The following JPH1 variants were observed in gnomAD, a reference collection of about 807,000 sequenced individuals.
JPH1 encodes junctophilin-1.
Under a neutral mutation model 53.6 loss-of-function variants are expected in JPH1, and 12 were observed. That is an observed-to-expected ratio of 0.22 (90% confidence interval 0.14 to 0.36). The LOEUF (loss-of-function observed/expected upper bound fraction) is 0.36, where lower values mean the gene tolerates loss of function less well. Ranked by LOEUF, JPH1 falls within the 10% of genes least tolerant of loss-of-function variation. The probability of loss-of-function intolerance (pLI) is 1.00; values close to 1 mark genes in which losing one functional copy is unlikely to be tolerated. For missense variants in JPH1, 808 were observed against 905.5 expected (o/e 0.89, Z 1.38); for synonymous variants, 375 against 363.8 (o/e 1.03, Z -0.35).
rs985090787 is a variant in JPH1 at position 74,237,277 on chromosome 8, A to G, written c.1932T>C (p.Leu644=). The G allele has an allele frequency of 3.1e-6, 5 of 1,613,322 alleles. No individual in the cohort carries two copies. The highest frequency in any genetic ancestry group is 4.2e-6 in the Non-Finnish European group (5 of 1,179,612). ...CCAACCCGATATTCAACAGCATGACAAGGACAATCATGATTGAATTAGGGC... is the reference window on the plus strand; with the variant it reads ...CCAACCCGATATTCAACAGCATGACGAGGACAATCATGATTGAATTAGGGC... ...NSGPNSIMIV[L]VMLLNIGLAI... is the part of the protein sequence containing the mutation. The change falls in exon 5 of 6, where the codon CTT becomes CTC. Residue 644 remains leucine (L), a synonymous_variant. Coordinates refer to ENST00000342232, the MANE Select transcript of JPH1 (RefSeq NM_020647.4).
At chr8:74,271,616 C>G (rs1806702987) in intron 2 of JPH1, among the ~76,000 whole-genome samples, 1 of 152,214 alleles carries the variant, frequency 6.6e-6, no homozygotes, top group African/African-American at 2.4e-5. Context: ...ATGAGGCTCT[C>G]TAGGATCCTG....
chr8:74,321,430 G>T lies in JPH1; in HGVS notation c.-143C>A. ...CAGCTCGCGCTGCCGCTCGGCTCCA[G>T]TCCGACGCCGCCCCCGTCCTCCCTC... On this transcript the variant is annotated 5_prime_UTR_variant, in exon 1 of 6. The change creates a new upstream start codon in the 5' untranslated region. Transcript: ENST00000342232. This position sits in a 1 kb window ranked among gnomAD's most constrained non-coding sequence, Gnocchi z 4.3. 2 of 730,432 alleles carry T rather than the reference G, an allele frequency of 2.7e-6. No homozygotes were observed. The highest frequency in any genetic ancestry group is 4.0e-6 in the Non-Finnish European group (2 of 504,130). 45.2% of individuals were successfully genotyped at this position (730,432 alleles called of 1,614,324 possible). A position where few individuals can be genotyped will look rare whatever the true frequency, so the allele number is the denominator to read the frequency against.
At chr8:74,256,002 G>C (rs929455211) in intron 3 of JPH1, among the ~76,000 whole-genome samples, 1 of 152,148 alleles carries the variant, frequency 6.6e-6, no homozygotes, top group Admixed American at 6.5e-5. Flanking sequence ...CAGGGATCTA[G>C]AACTAGAAAT....
At chr8:74,263,272 C>G (rs752804388) in intron 2 of JPH1, among the ~76,000 whole-genome samples, 2 of 152,090 alleles carry the variant, frequency 1.3e-5, no homozygotes, top group Non-Finnish European at 2.9e-5. Flanking sequence ...CTTTTCTCAA[C>G]AATAAACTGC....
At chr8:74,284,581 C>T (rs1807106026) in intron 2 of JPH1, among the ~76,000 whole-genome samples, 3 of 152,054 alleles carry the variant, frequency 2.0e-5, no homozygotes, top group South Asian at 2.1e-4. Context: ...ACAGCCTTTC[C>T]GACTAGCAAC....
intron 2 of JPH1, among the ~76,000 whole-genome samples, chr8:74,263,635 C>G (rs924886135): frequency 6.6e-6 from 1 of 152,142 alleles, no homozygotes; most frequent in African/African-American, 2.4e-5. Context: ...TTCCCCCTAC[C>G]CAGCCATTTC....
chr8:74,264,044 T>C (rs1343630184), intron 2 of JPH1, among the ~76,000 whole-genome samples: 1 of 152,204 alleles, frequency 6.6e-6, no homozygotes, highest in Non-Finnish European at 1.5e-5. Flanking sequence ...AATGAGTCTT[T>C]CAATCTTGAT....
intron 2 of JPH1, among the ~76,000 whole-genome samples, chr8:74,267,614 G>T (rs1266091949): frequency 6.6e-6 from 1 of 152,182 alleles, no homozygotes; most frequent in African/African-American, 2.4e-5. Context: ...CACCCCAGAA[G>T]CCGGACTGAA....
intron 4 of JPH1, 45 bp from the exon 5 acceptor site, chr8:74,237,348 A>G (rs1807031105): frequency 7.0e-7 from 1 of 1,420,080 alleles, no homozygotes; most frequent in Non-Finnish European, 9.9e-7. Flanking sequence ...CTCCATGTTA[A>G]TATCAAGATA....
chr8:74,302,012 C>A (rs965681382), intron 2 of JPH1, among the ~76,000 whole-genome samples: 4 of 152,226 alleles, frequency 2.6e-5, no homozygotes, highest in Admixed American at 2.0e-4. Flanking sequence ...CGTGTGCTTG[C>A]CATGTGAATT....
At chr8:74,318,730 C>T (rs1808230813) in intron 1 of JPH1, among the ~76,000 whole-genome samples, 2 of 152,052 alleles carry the variant, frequency 1.3e-5, no homozygotes, top group South Asian at 2.1e-4. Context: ...GGACATGTGG[C>T]GATGGGGAGA....
At chr8:74,305,875 C>T (rs950024751) in intron 2 of JPH1, among the ~76,000 whole-genome samples, 1 of 152,146 alleles carries the variant, frequency 6.6e-6, no homozygotes, top group African/African-American at 2.4e-5. Context: ...TTATTATGGC[C>T]TAAGACTAAT....
chr8:74,297,510 T>G (rs1014355427), intron 2 of JPH1, among the ~76,000 whole-genome samples: 9 of 152,186 alleles, frequency 5.9e-5, no homozygotes, highest in African/African-American at 2.2e-4. Context: ...CTTAACTCAC[T>G]CACTGTTCTT....
At position 74,245,001 on chromosome 8, in the gene JPH1, G is replaced by A; in HGVS notation, c.1433C>T (p.Ser478Phe). ...ASPKHSHSPA[S>F]SPKPLKKQNP... ...TTGCTTCTTCAGGGGCTTTGGGGAGGAAGCAGGAGAGTGGCTGTGTTTGGG... is the reference window on the plus strand; with the variant it reads ...TTGCTTCTTCAGGGGCTTTGGGGAGAAAGCAGGAGAGTGGCTGTGTTTGGG... The change falls in exon 4 of 6, where the codon TCC becomes TTC. Residue 478 changes from serine (S) to phenylalanine (F), a missense_variant. Ser to Phe is a radical substitution (Grantham distance 155, BLOSUM62 -2). This residue lies in a region of JPH1 where 756 missense variants were observed against 811.9 expected (regional missense o/e 0.93). Transcript: ENST00000342232. 6.2e-7 allele frequency: 1 copy of A among 1,614,060 alleles called. No individual in the cohort carries two copies. The highest frequency in any genetic ancestry group is 8.5e-7 in the Non-Finnish European group (1 of 1,180,014).
At chr8:74,298,525 C>T (rs956006772) in intron 2 of JPH1, among the ~76,000 whole-genome samples, 2 of 152,102 alleles carry the variant, frequency 1.3e-5, no homozygotes, top group Non-Finnish European at 2.9e-5. Context: ...AAACGGTTTC[C>T]ACTTGTGTGT....
intron 2 of JPH1, among the ~76,000 whole-genome samples, chr8:74,263,973 C>A (rs764387301): frequency 2.6e-4 from 39 of 152,202 alleles, no homozygotes; most frequent in Non-Finnish European, 5.0e-4. Context: ...AACCAACTGG[C>A]TCCACAGGTG....
intron 2 of JPH1, among the ~76,000 whole-genome samples, chr8:74,269,124 A>G (rs1305556645): frequency 1.3e-5 from 2 of 152,228 alleles, no homozygotes; most frequent in African/African-American, 4.8e-5. Context: ...GAAATCTCAA[A>G]TCCACCAGTC....
In JPH1 at chr8:74,314,969, AGCT is replaced by A. The variant is rs1254146973; in HGVS notation, c.1028_1030del (p.Gln343del). ...AGTTTTTGTATGTCTTATTGGTATA[AGCT>A]GCTTCCTTATCCCACGGACCAGAAT... On this transcript the variant is annotated inframe_deletion, in exon 2 of 6. Coordinates refer to ENST00000342232, the MANE Select transcript of JPH1 (RefSeq NM_020647.4). The A allele has an allele frequency of 6.2e-7, 1 of 1,614,032 alleles. No homozygotes were observed. The highest frequency in any genetic ancestry group is 1.3e-5 in the African/African-American group (1 of 74,894).
rs748133888 is a variant in JPH1 at position 74,244,728 on chromosome 8, T to C, written c.1706A>G (p.Asp569Gly). 2 of 1,614,050 alleles carry C rather than the reference T, an allele frequency of 1.2e-6. No homozygotes were observed. The highest frequency in any genetic ancestry group is 1.1e-5 in the South Asian group (1 of 91,072). ...GGAAGACTGGCTGGATCCATCGCCG[T>C]CCTCCACGTCTACTGGAGGGTGCTG... is the stretch of plus-strand genomic sequence containing the variant. ...APQHPPVDVE[D>G]GDGSSQSSSA... The change falls in exon 4 of 6, where the codon GAC becomes GGC. Residue 569 changes from aspartate to glycine, a missense_variant. This residue lies in a region of JPH1 where 756 missense variants were observed against 811.9 expected (regional missense o/e 0.93). Coordinates refer to ENST00000342232, the MANE Select transcript of JPH1 (RefSeq NM_020647.4).
Sources: allele counts gnomAD v4.1 joint callset (sites outside exome capture counted in the v4.1 genomes callset), GRCh38; gene constraint gnomAD v4.1.1; regional missense constraint gnomAD v4.1.1; non-coding constraint Gnocchi (gnomAD v3.1); transcripts MANE v1.5; gene names NCBI Gene and HGNC (gene_info 2026-07-23, HGNC 2026-07-21).